The following HAUS6 variants were observed in gnomAD, a reference collection of about 807,000 sequenced individuals.
HAUS6 encodes the protein HAUS augmin-like complex subunit 6.
In HAUS6, 80 loss-of-function variants were observed where a neutral mutation model predicts 106.8. That is an observed-to-expected ratio of 0.75 (90% CI 0.63 to 0.90). The LOEUF is 0.90. Ranked by LOEUF, HAUS6 falls within the 40% of genes least tolerant of loss-of-function variation. The pLI, the probability that HAUS6 is intolerant of heterozygous loss-of-function variation, is 0.00. For missense variants in HAUS6, 1,155 were observed against 1,118.1 expected, an observed-to-expected ratio of 1.03 and a Z score of -0.47; for synonymous variants, 356 against 379.1, an observed-to-expected ratio of 0.94 and a Z score of 0.71.
At chr9:19,075,770 A>G (rs896542981) in intron 11 of HAUS6, among the ~76,000 whole-genome samples, 10 of 152,150 alleles carry the variant, frequency 6.6e-5, no homozygotes, top group Non-Finnish European at 1.5e-4. Flanking sequence ...CCTGGCCAAC[A>G]TGGTGAAACT....
chr9:19,083,485 T>G (rs913688625), intron 7 of HAUS6, among the ~76,000 whole-genome samples: 2 of 152,042 alleles, frequency 1.3e-5, no homozygotes, highest in African/African-American at 4.8e-5. Context: ...ATGAAGATCA[T>G]TCAGGGAGAA....
chr9:19,057,564 C>T (rs1354874898), intron 16 of HAUS6: 5 of 191,008 alleles, frequency 2.6e-5, no homozygotes, highest in Non-Finnish European at 5.3e-5. Flanking sequence ...AATACACTGA[C>T]CTGGCTTCTT....
At chr9:19,066,356 C>T (rs1289875445) in intron 12 of HAUS6, among the ~76,000 whole-genome samples, 1 of 152,012 alleles carries the variant, frequency 6.6e-6, no homozygotes, top group African/African-American at 2.4e-5. Flanking sequence ...TTATTTGTTG[C>T]TGTTGTTATA....
chr9:19,059,445 T>A (rs754747908), intron 15 of HAUS6, among the ~76,000 whole-genome samples: 4 of 152,234 alleles, frequency 2.6e-5, no homozygotes, highest in Non-Finnish European at 5.9e-5. Flanking sequence ...TTATGTTCAA[T>A]ACAATTTTAT....
intron 15 of HAUS6, among the ~76,000 whole-genome samples, chr9:19,059,874 A>G (rs776855735): frequency 1.3e-5 from 2 of 152,228 alleles, no homozygotes; most frequent in Non-Finnish European, 2.9e-5. Flanking sequence ...ATTGTACATT[A>G]TCAAAATTTT....
Position 19,102,796 on chromosome 9 carries a change from T to C in HAUS6, c.-145A>G. On this transcript the variant is annotated 5_prime_UTR_variant, in exon 1 of 17. Coordinates refer to ENST00000380502, the MANE Select transcript of HAUS6 (RefSeq NM_017645.5). The stretch of plus-strand genomic sequence containing the variant: ...CCTGCTCCTTTCACGCCCAGAGCGA[T>C]TTCGCCTCAAAGGGCCTCACAACCT... 1 of 757,432 alleles carries C rather than the reference T, an allele frequency of 1.3e-6. No individual in the cohort carries two copies. The highest frequency in any genetic ancestry group is 2.1e-6 in the Non-Finnish European group (1 of 486,672). The allele number at this position is 757,432 out of a possible 1,614,324, so 46.9% of individuals were successfully genotyped here.
rs1395008027 is a variant in HAUS6, at chr9:19,056,351, T to G, written c.2860A>C (p.Thr954Pro). Reference sequence around the variant, plus strand: ...ATTAAATGGGTACGTCTTCATCTTGTCAAGTCAGACGGTGGTTCTTTTGCA... The same window carrying G: ...ATTAAATGGGTACGTCTTCATCTTGGCAAGTCAGACGGTGGTTCTTTTGCA... ...LDAKEPPSDL[T>P]R The change falls in exon 17 of 17, where the codon ACA becomes CCA. Residue 954 changes from threonine (T) to proline (P), a missense_variant. Thr to Pro is a conservative substitution (Grantham distance 38). Transcript: ENST00000380502. The G allele has an allele frequency of 6.7e-7, 1 of 1,483,674 alleles. No homozygotes were observed. The highest frequency in any genetic ancestry group is 2.3e-5 in the East Asian group (1 of 44,228). The allele number at this position is 1,483,674 out of a possible 1,614,324, so 91.9% of individuals were successfully genotyped here.
rs1836720286 is a variant in HAUS6, at chr9:19,064,658, T to C, written c.1377-1078A>G. 2.0e-5 allele frequency among the ~76,000 whole-genome samples: 3 copies of C among 152,350 alleles called. No individual in the cohort carries two copies. In the South Asian group the frequency reaches 6.2e-4, roughly 32 times the overall value. On this transcript the variant is annotated intron_variant, in intron 12 of 16. Coordinates refer to ENST00000380502, the MANE Select transcript of HAUS6 (RefSeq NM_017645.5). ...TGGTACTTTCCTTTCTTCTTATAAC[T>C]AGAAGTACAAAATTAATAGCACTGC...
chr9:19,072,064 C>G (rs919508550), intron 11 of HAUS6, among the ~76,000 whole-genome samples: 2 of 151,900 alleles, frequency 1.3e-5, no homozygotes, highest in Admixed American at 1.3e-4. Context: ...GTGGCACATG[C>G]CTGTAATCCC....
At chr9:19,096,169 A>G (rs893072436) in intron 2 of HAUS6, among the ~76,000 whole-genome samples, 20 of 152,318 alleles carry the variant, frequency 1.3e-4, no homozygotes, top group African/African-American at 4.8e-4. Context: ...TGTACCAAAG[A>G]AAAAAATCAC....
intron 14 of HAUS6, among the ~76,000 whole-genome samples, chr9:19,061,209 C>A (rs1325559537): frequency 6.6e-6 from 1 of 151,888 alleles, no homozygotes; most frequent in Non-Finnish European, 1.5e-5. Flanking sequence ...ATAAAATTGG[C>A]CCATGGAAAA....
At chr9:19,061,640 A>G (rs2171956) in intron 14 of HAUS6, among the ~76,000 whole-genome samples, 129,067 of 152,126 alleles carry the variant, frequency 0.85, 55,188 homozygotes, top group African/African-American at 0.95. Flanking sequence ...TTCGAGACCA[A>G]CCTGGGCAAA....
chr9:19,093,981 A>G (rs896292218), intron 3 of HAUS6, among the ~76,000 whole-genome samples: 8 of 152,236 alleles, frequency 5.3e-5, no homozygotes, highest in African/African-American at 1.9e-4. Flanking sequence ...GTCAGAAAAA[A>G]CAATTATAAT....
At chr9:19,069,114 T>C (rs1836830332) in intron 12 of HAUS6, among the ~76,000 whole-genome samples, 1 of 152,196 alleles carries the variant, frequency 6.6e-6, no homozygotes, top group African/African-American at 2.4e-5. Flanking sequence ...CGGGTTATGT[T>C]AGATACATCC....
intron 12 of HAUS6, among the ~76,000 whole-genome samples, chr9:19,065,337 T>A (rs1341650715): frequency 6.6e-6 from 1 of 152,040 alleles, no homozygotes; most frequent in African/African-American, 2.4e-5. Context: ...AGGATGGTGA[T>A]CCCCTTGTGG....
intron 9 of HAUS6, among the ~76,000 whole-genome samples, chr9:19,078,885 T>C (rs1051255467): frequency 6.8e-6 from 1 of 147,818 alleles, no homozygotes; most frequent in Admixed American, 6.7e-5. Context: ...CCGGGTATGG[T>C]GGCTCACACC....
rs374807790 is a variant in HAUS6, at chr9:19,102,635, A to C, written c.17T>G (p.Val6Gly). 2.0e-5 allele frequency: 32 copies of C among 1,612,590 alleles called. No individual in the cohort carries two copies. In the South Asian group the frequency reaches 3.4e-4, roughly 17 times the overall value. The change falls in exon 1 of 17, where the codon GTC becomes GGC. Residue 6 changes from valine (V) to glycine (G), a missense_variant. Around this residue, in one of 3 missense-constraint regions of HAUS6, gnomAD observed 761 missense variants for 690.0 expected, o/e 1.10. Coordinates refer to ENST00000380502, the MANE Select transcript of HAUS6 (RefSeq NM_017645.5). Reference protein sequence around the residue: MSSASVTAFEKEHLWM... With the variant: MSSASGTAFEKEHLWM... ...GAGATGCTCCTTCTCGAAAGCGGTG[A>C]CCGAGGCCGAGCTCATCCTCGCGGT...
At chr9:19,091,446 T>C (rs1362372127) in intron 4 of HAUS6, among the ~76,000 whole-genome samples, 2 of 152,226 alleles carry the variant, frequency 1.3e-5, no homozygotes, top group African/African-American at 4.8e-5. Context: ...AGAAGTCTTA[T>C]GCCTTATTAA....
chr9:19,083,770 C>G (rs1837218422), intron 7 of HAUS6, among the ~76,000 whole-genome samples: 1 of 149,646 alleles, frequency 6.7e-6, no homozygotes, highest in Non-Finnish European at 1.5e-5. Flanking sequence ...CCACTGCACT[C>G]CAGCCTAGGG....
Sources: allele counts gnomAD v4.1 joint callset (sites outside exome capture counted in the v4.1 genomes callset), GRCh38; gene constraint gnomAD v4.1.1; regional missense constraint gnomAD v4.1.1; transcripts MANE v1.5; gene names NCBI Gene and HGNC (gene_info 2026-07-23, HGNC 2026-07-21).